The following BMP8B variants were observed in gnomAD, a reference collection of about 807,000 sequenced individuals.
The protein encoded by BMP8B is bone morphogenetic protein 8b, also known as bone morphogenetic protein 8 (osteogenic protein 2).
A neutral mutation model predicts 30.3 loss-of-function variants in BMP8B; 17 were observed. The ratio of observed to expected loss-of-function variants is 0.56; its 90% CI spans 0.38 to 0.84. The LOEUF is 0.84. BMP8B is among the 40% of genes least tolerant of loss of function. BMP8B has a pLI of 0.00. For missense variants in BMP8B, 253 were observed against 494.6 expected (o/e 0.51, Z 4.63); for synonymous variants, 131 against 214.7 (o/e 0.61, Z 3.41).
At chr1:39,763,040 T>C in intron 6 of BMP8B, 52 bp downstream of exon 6, 1 of 1,594,052 alleles carries the variant, frequency 6.3e-7, no homozygotes, top group Non-Finnish European at 8.6e-7. Context: ...CAGACCCCTC[T>C]CCACAGGGCC....
intron 1 of BMP8B, among the ~76,000 whole-genome samples, chr1:39,782,249 G>A (rs916021864): frequency 2.0e-5 from 3 of 151,870 alleles, no homozygotes; most frequent in African/African-American, 7.3e-5. Flanking sequence ...ACTCAATGCT[G>A]AAGAGAAGCT....
chr1:39,760,050 C>G lies in BMP8B; in HGVS notation c.*369G>C, dbSNP rs1648725625. 3.8e-6 allele frequency: 1 copy of G among 265,304 alleles called. No homozygotes were observed. Among genetic ancestry groups the G allele is most frequent in the South Asian group, 5.2e-5 (1 of 19,318 alleles). The allele number at this position is 265,304 out of a possible 1,614,324, so 16.4% of individuals were successfully genotyped here. A position where few individuals can be genotyped will look rare whatever the true frequency, so the allele number is the denominator to read the frequency against. Reference sequence around the variant, plus strand: ...CCAACAGTGGGCTCCAGGTGCCTCTCAGGTCATTCCACATCTATCTCACGA... The same window carrying G: ...CCAACAGTGGGCTCCAGGTGCCTCTGAGGTCATTCCACATCTATCTCACGA... On this transcript the variant is annotated 3_prime_UTR_variant, in exon 7 of 7. Transcript: ENST00000372827.
At chr1:39,781,337 G>A (rs1650622224) in intron 1 of BMP8B, among the ~76,000 whole-genome samples, 1 of 152,214 alleles carries the variant, frequency 6.6e-6, no homozygotes, top group African/African-American at 2.4e-5. Flanking sequence ...GCAGTTAAAG[G>A]AAATCACCAA....
At chr1:39,770,342 C>A (rs200262941) in intron 3 of BMP8B, 1 of 1,590,948 alleles carries the variant, frequency 6.3e-7, no homozygotes. Flanking sequence ...CAGAGCTGCG[C>A]GTCTGATGAT....
rs1649925590 is a variant in BMP8B, at chr1:39,770,865, G to C, written c.673+3443C>G. The C allele has an allele frequency of 8.8e-6, 7 of 797,900 alleles. 1 individual carries two copies. The East Asian group carries it at 1.9e-4, about 22-fold the overall frequency. The allele number at this position is 797,900 out of a possible 1,614,324, so 49.4% of individuals were successfully genotyped here. On this transcript the variant is annotated intron_variant, in intron 3 of 6. Transcript: ENST00000372827. Reference sequence around the variant, plus strand: ...CCCTGGGGCGTGAGCTCCAGCTCCAGCTCTCCTGCCAGGTACTGGCTCTCG... The same window carrying C: ...CCCTGGGGCGTGAGCTCCAGCTCCACCTCTCCTGCCAGGTACTGGCTCTCG...
intron 1 of BMP8B, among the ~76,000 whole-genome samples, chr1:39,775,830 T>TG (rs1650186204): frequency 6.6e-6 from 1 of 152,042 alleles, no homozygotes; most frequent in South Asian, 2.1e-4. Flanking sequence ...AGTCAGGTGC[T>TG]GGGGAAGTCG....
chr1:39,760,268 G>T lies in BMP8B; in HGVS notation c.*151C>A. On this transcript the variant is annotated 3_prime_UTR_variant, in exon 7 of 7. Transcript: ENST00000372827. ...CAGGGCAAGGGGAGCATAGGAGCCT[G>T]GCATGAAGGAGAAAGGGTCATGTAC... 1 of 1,274,316 alleles carries T rather than the reference G, an allele frequency of 7.8e-7. No individual in the cohort carries two copies. The highest frequency in any genetic ancestry group is 1.1e-6 in the Non-Finnish European group (1 of 939,822). The allele number at this position is 1,274,316 out of a possible 1,614,324, so 78.9% of individuals were successfully genotyped here.
At chr1:39,783,779 G>A (rs1650811011) in intron 1 of BMP8B, among the ~76,000 whole-genome samples, 1 of 152,154 alleles carries the variant, frequency 6.6e-6, no homozygotes, top group Admixed American at 6.5e-5. Flanking sequence ...ACATGGTGGT[G>A]CACACCTGTA....
chr1:39,780,535 C>T (rs1650563204), intron 1 of BMP8B, among the ~76,000 whole-genome samples: 1 of 152,204 alleles, frequency 6.6e-6, no homozygotes, highest in African/African-American at 2.4e-5. Flanking sequence ...TGAAGGGACA[C>T]ACAGAAGCTC....
At chr1:39,768,198 C>T (rs1569812460) in intron 3 of BMP8B, among the ~76,000 whole-genome samples, 2 of 150,892 alleles carry the variant, frequency 1.3e-5, no homozygotes, top group South Asian at 4.3e-4. Flanking sequence ...CCAGTTTGGG[C>T]CTCCATCCCA....
intron 1 of BMP8B, among the ~76,000 whole-genome samples, chr1:39,781,548 C>G (rs1249749555): frequency 2.0e-5 from 3 of 152,176 alleles, no homozygotes; most frequent in Non-Finnish European, 4.4e-5. Context: ...TAAATTAGAC[C>G]ATAATCGTGT....
intron 1 of BMP8B, among the ~76,000 whole-genome samples, chr1:39,780,548 G>A (rs559988054): frequency 5.1e-4 from 78 of 152,328 alleles, no homozygotes; most frequent in Non-Finnish European, 9.8e-4. Context: ...AGAAGCTCCT[G>A]AGCAGGAAAA....
At chr1:39,787,649 CT>C (rs1414457312) in intron 1 of BMP8B, among the ~76,000 whole-genome samples, 1 of 152,182 alleles carries the variant, frequency 6.6e-6, no homozygotes, top group East Asian at 1.9e-4. Flanking sequence ...AGCCGCCCCC[CT>C]GACAGCCGCA....
chr1:39,769,810 C>A (rs141827821), intron 3 of BMP8B: 4 of 1,613,606 alleles, frequency 2.5e-6, no homozygotes, highest in Non-Finnish European at 3.4e-6. Flanking sequence ...GCTCCCTCAG[C>A]GTCAGCTCTT....
Position 39,788,160 on chromosome 1 carries a change from A to G in BMP8B, c.326T>C (p.Val109Ala), listed in dbSNP as rs766278480. 4 of 1,570,146 alleles carry G rather than the reference A, an allele frequency of 2.5e-6. No homozygotes were observed. Among genetic ancestry groups the G allele is most frequent in the Non-Finnish European group, 3.4e-6 (4 of 1,168,544 alleles). Reference sequence around the variant, plus strand: ...CGGGCGGCCGCACTCACCCATGTTAACGAAGCTCATGACCAGGTCGGCGCG... The same window carrying G: ...CGGGCGGCCGCACTCACCCATGTTAGCGAAGCTCATGACCAGGTCGGCGCG... ...LGRADLVMSF[V>A]NMVERDRALG... Residue 109 changes from valine to alanine, a missense_variant, in exon 1 of 7, where the codon GTT (valine) becomes GCT (alanine). Physicochemically the swap from Val to Ala is moderately conservative, Grantham distance 64. Around this residue, in one of 7 missense-constraint regions of BMP8B, gnomAD observed 52 missense variants for 68.3 expected, o/e 0.76. Coordinates refer to ENST00000372827, the MANE Select transcript of BMP8B (RefSeq NM_001720.5). The surrounding 1 kb of genome is among the most constrained non-coding windows in gnomAD (Gnocchi z 5.8).
At chr1:39,768,375 C>T (rs1276302988) in intron 3 of BMP8B, among the ~76,000 whole-genome samples, 2 of 127,610 alleles carry the variant, frequency 1.6e-5, no homozygotes, top group Admixed American at 7.6e-5. Context: ...GCACCGGCAG[C>T]CTCTCCCCTC....
At chr1:39,769,806 T>G (rs1159379853) in intron 3 of BMP8B, 4 of 1,613,702 alleles carry the variant, frequency 2.5e-6, no homozygotes. Context: ...CAGAGCTCCC[T>G]CAGCGTCAGC....
intron 5 of BMP8B, 170 bp downstream of exon 5, chr1:39,763,539 CAAA>C: frequency 1.1e-6 from 1 of 935,742 alleles, no homozygotes; most frequent in Non-Finnish European, 1.5e-6. Context: ...AAAAACTGAA[CAAA>C]AAAAAAACCC....
In BMP8B at chr1:39,759,702, TTC is replaced by T. The variant is rs1208121482; in HGVS notation, c.*715_*716del. 6.6e-6 allele frequency: 1 copy of T among 152,278 alleles called. No homozygotes were observed. The allele number at this position is 152,278 out of a possible 1,614,324, so 9.4% of individuals were successfully genotyped here. A position where few individuals can be genotyped will look rare whatever the true frequency, so the allele number is the denominator to read the frequency against. ...GGGTCAATTGGAAGCCCCAAGATTTTTCTGTTTCTCCAAAGTAAAATGTCCAT... is the reference window on the plus strand; with the variant it reads ...GGGTCAATTGGAAGCCCCAAGATTTTTGTTTCTCCAAAGTAAAATGTCCAT... On this transcript the variant is annotated 3_prime_UTR_variant, in exon 7 of 7. Transcript: ENST00000372827.
Sources: gnomAD v4.1 joint callset for allele counts (sites outside exome capture counted in the v4.1 genomes callset) on GRCh38, gnomAD v4.1.1 for gene constraint, gnomAD v4.1.1 regional missense constraint, Gnocchi (gnomAD v3.1) non-coding constraint, MANE v1.5 for transcripts, NCBI Gene and HGNC (gene_info 2026-07-23, HGNC 2026-07-21) for gene names.